XPR1: variants seen among roughly 807,000 people sequenced by gnomAD.
The protein encoded by XPR1 is xenotropic and polytropic retrovirus receptor 1.
In XPR1, 28 loss-of-function variants were observed where a neutral mutation model predicts 87.5. The observed-to-expected ratio is 0.32, with a 90% CI of 0.24 to 0.44. The LOEUF (loss-of-function observed/expected upper bound fraction) is 0.44. XPR1 is among the 20% of genes least tolerant of loss of function. The probability of loss-of-function intolerance (pLI) is 1.00; values close to 1 mark genes in which losing one functional copy is unlikely to be tolerated. For synonymous variants in XPR1, 300 were observed against 306.1 expected (o/e 0.98, Z 0.21); for missense variants, 559 against 862.3 (o/e 0.65, Z 4.41).
chr1:180,841,925 G>T (rs1651529895), intron 11 of XPR1, among the ~76,000 whole-genome samples: 1 of 152,068 alleles, frequency 6.6e-6, no homozygotes, highest in East Asian at 1.9e-4. Context: ...ATTTGACATT[G>T]AATATTGATC....
intron 1 of XPR1, among the ~76,000 whole-genome samples, chr1:180,649,464 G>A (rs1655225031): frequency 6.6e-6 from 1 of 151,924 alleles, no homozygotes; most frequent in Non-Finnish European, 1.5e-5. Flanking sequence ...AAGAATTAAA[G>A]ATGCGTAACT....
intron 2 of XPR1, among the ~76,000 whole-genome samples, chr1:180,718,017 A>C (rs540016717): frequency 6.6e-6 from 1 of 152,348 alleles, no homozygotes; most frequent in East Asian, 1.9e-4. Flanking sequence ...CAGTTAATAT[A>C]ATCTAAGGGT....
Position 180,736,780 on chromosome 1 carries a change from G to A in XPR1, c.122-50973G>A, listed in dbSNP as rs563480476. On this transcript the variant is annotated intron_variant, in intron 2 of 14. Coordinates refer to ENST00000367590, the MANE Select transcript of XPR1 (RefSeq NM_004736.4). ...GGGGTTAGGGTTGGGGTTGGGGTGA[G>A]GAGTGGAGACCAAAAAGAGATGAGA... Among the ~76,000 whole-genome samples the A allele has an allele frequency of 1.2e-4, 18 of 152,286 alleles. No homozygotes were observed. In the South Asian group the frequency reaches 3.5e-3, roughly 30 times the overall value.
At chr1:180,767,760 T>A (rs2102061667) in intron 2 of XPR1, among the ~76,000 whole-genome samples, 1 of 152,212 alleles carries the variant, frequency 6.6e-6, no homozygotes, top group Middle Eastern at 3.4e-3. Flanking sequence ...ATAGAAAAAA[T>A]ACGCCAGTAT....
At chr1:180,694,945 T>C (rs1029121662) in intron 2 of XPR1, among the ~76,000 whole-genome samples, 13 of 152,144 alleles carry the variant, frequency 8.5e-5, no homozygotes, top group African/African-American at 2.7e-4. Context: ...GGTCATTCTA[T>C]TTTTAGTTTT....
intron 2 of XPR1, among the ~76,000 whole-genome samples, chr1:180,704,814 G>GTTTCT (rs1332058617): frequency 1.9e-5 from 1 of 51,944 alleles, no homozygotes; most frequent in Non-Finnish European, 3.5e-5. Flanking sequence ...ACTGTTGGTT[G>GTTTCT]TTTTTTTTTT....
chr1:180,772,563 T>A (rs986744951), intron 2 of XPR1, among the ~76,000 whole-genome samples: 1 of 152,232 alleles, frequency 6.6e-6, no homozygotes, highest in African/African-American at 2.4e-5. Flanking sequence ...AAATCTCATC[T>A]TGTATCTCCC....
intron 1 of XPR1, among the ~76,000 whole-genome samples, 191 bp downstream of exon 1, chr1:180,632,461 C>T (rs1654619764): frequency 1.3e-5 from 2 of 152,144 alleles, no homozygotes; most frequent in Admixed American, 6.5e-5. Context: ...TCCCCTCCCC[C>T]GCAGCCCCGC....
At chr1:180,734,248 G>A (rs1439395432) in intron 2 of XPR1, among the ~76,000 whole-genome samples, 3 of 152,196 alleles carry the variant, frequency 2.0e-5, no homozygotes, top group Non-Finnish European at 4.4e-5. Context: ...CACTGAAAAA[G>A]GAGTATTGGC....
chr1:180,826,567 A>C (rs963038920), intron 9 of XPR1, among the ~76,000 whole-genome samples: 4 of 152,160 alleles, frequency 2.6e-5, no homozygotes, highest in Non-Finnish European at 5.9e-5. Flanking sequence ...AAAACAAAGA[A>C]AGAAACAAAG....
At chr1:180,848,453 G>A (rs1651761192) in intron 11 of XPR1, among the ~76,000 whole-genome samples, 1 of 152,118 alleles carries the variant, frequency 6.6e-6, no homozygotes, top group South Asian at 2.1e-4. Flanking sequence ...ATAATGTAAT[G>A]TACTCCAGTT....
intron 1 of XPR1, among the ~76,000 whole-genome samples, chr1:180,662,068 A>G (rs112776723): frequency 1.7e-3 from 253 of 152,280 alleles, no homozygotes; most frequent in Non-Finnish European, 3.1e-3. Context: ...ATTATTTTTG[A>G]TCAGTTCATC....
At chr1:180,738,674 T>G (rs187877511) in intron 2 of XPR1, among the ~76,000 whole-genome samples, 12 of 152,360 alleles carry the variant, frequency 7.9e-5, no homozygotes, top group Admixed American at 6.5e-4. Flanking sequence ...CATCTTTTTA[T>G]ATGCTTCTTT....
At chr1:180,729,863 T>C (rs1008991357) in intron 2 of XPR1, among the ~76,000 whole-genome samples, 4 of 152,230 alleles carry the variant, frequency 2.6e-5, no homozygotes, top group Admixed American at 1.3e-4. Flanking sequence ...ACTCTGTTTA[T>C]ATTTTCTTCT....
At position 180,787,722 on chromosome 1, in the gene XPR1, T is replaced by C. The variant is rs370449614; in HGVS notation, c.122-31T>C. The C allele has an allele frequency of 2.0e-6, 3 of 1,498,618 alleles. No individual in the cohort carries two copies. The African/African-American group carries it at 4.2e-5, about 21-fold the overall frequency. 92.8% of individuals were successfully genotyped at this position (1,498,618 alleles called of 1,614,324 possible). On this transcript the variant is annotated intron_variant, in intron 2 of 14. Transcript: ENST00000367590. ...GTTTTCTCAATTGGCCTTTGGACAT[T>C]AAATTTAAATATTGTTTTCCTGTCT... is the stretch of plus-strand genomic sequence containing the variant.
intron 1 of XPR1, among the ~76,000 whole-genome samples, chr1:180,660,486 T>G (rs372725092): frequency 6.6e-6 from 1 of 152,210 alleles, no homozygotes; most frequent in Non-Finnish European, 1.5e-5. Flanking sequence ...CACTTATAGC[T>G]ATAAACTTTC....
At chr1:180,830,114 A>G (rs1571876516) in intron 9 of XPR1, among the ~76,000 whole-genome samples, 1 of 152,154 alleles carries the variant, frequency 6.6e-6, no homozygotes, top group African/African-American at 2.4e-5. Flanking sequence ...TATTTCTGTC[A>G]CTTTGAATCC....
intron 2 of XPR1, among the ~76,000 whole-genome samples, chr1:180,740,740 CTG>C (rs1158465986): frequency 6.6e-6 from 1 of 152,190 alleles, no homozygotes; most frequent in Non-Finnish European, 1.5e-5. Context: ...GCCACATAGA[CTG>C]TGCCACATAT....
chr1:180,724,530 A>G (rs1405322665), intron 2 of XPR1, among the ~76,000 whole-genome samples: 1 of 152,284 alleles, frequency 6.6e-6, no homozygotes, highest in East Asian at 1.9e-4. Flanking sequence ...AAAAGTCGTA[A>G]TGTAAACTGC....
Sources: gnomAD v4.1 joint callset for allele counts (sites outside exome capture counted in the v4.1 genomes callset) on GRCh38, gnomAD v4.1.1 for gene constraint, MANE v1.5 for transcripts, NCBI Gene and HGNC (gene_info 2026-07-23, HGNC 2026-07-21) for gene names.